The following RARB variants were observed in gnomAD, a reference collection of about 807,000 sequenced individuals.
RARB encodes the protein HBV-activated protein.
In RARB, 17 loss-of-function variants were observed where a neutral mutation model predicts 51.9. The ratio of observed to expected loss-of-function variants is 0.33; its 90% CI spans 0.22 to 0.49. RARB has a LOEUF of 0.49. Among genes scored for constraint, RARB ranks in the 20% least tolerant of loss-of-function variants. The pLI is 0.99. For synonymous variants in RARB, 215 were observed against 195.4 expected (o/e 1.10, Z -0.84); for missense variants, 369 against 550.8 (o/e 0.67, Z 3.30).
chr3:25,108,542 G>C (rs151029354), intron 3 of RARB, among the ~76,000 whole-genome samples: 1 of 152,190 alleles, frequency 6.6e-6, no homozygotes, highest in Non-Finnish European at 1.5e-5. Flanking sequence ...TACATCACTC[G>C]TAATCCTATT....
chr3:25,189,130 T>C (rs748574884), intron 5 of RARB, among the ~76,000 whole-genome samples: 79 of 152,268 alleles, frequency 5.2e-4, no homozygotes, highest in Admixed American at 1.3e-3. Context: ...ATAATAAATA[T>C]GATTCTTTAT....
intron 5 of RARB, among the ~76,000 whole-genome samples, chr3:25,583,359 A>G (rs986988829): frequency 6.6e-6 from 1 of 152,374 alleles, no homozygotes; most frequent in East Asian, 1.9e-4. Context: ...ACAGACAGAC[A>G]GACCCAGGCT....
intron 4 of RARB, among the ~76,000 whole-genome samples, chr3:25,150,988 A>G (rs60459884): frequency 0.017 from 2,569 of 152,302 alleles, 77 homozygotes; most frequent in African/African-American, 0.059. Flanking sequence ...AATCTATACA[A>G]TATTTTCCCA....
At chr3:25,503,083 C>G (rs1022277109) in intron 3 of RARB, among the ~76,000 whole-genome samples, 2 of 120,274 alleles carry the variant, frequency 1.7e-5, no homozygotes, top group African/African-American at 9.3e-5. Flanking sequence ...TGGACAATTC[C>G]ATCTGCAGAT....
chr3:25,172,332 C>G (rs1187734435), intron 4 of RARB, among the ~76,000 whole-genome samples: 1 of 152,132 alleles, frequency 6.6e-6, no homozygotes, highest in African/African-American at 2.4e-5. Context: ...GATTCAAATT[C>G]TGGCTTAGCG....
intron 2 of RARB, among the ~76,000 whole-genome samples, chr3:25,482,520 AATTTT>A (rs1696270635): frequency 8.2e-6 from 1 of 121,436 alleles, no homozygotes; most frequent in African/African-American, 4.0e-5. Context: ...CTAGCAGCCA[AATTTT>A]TTTTTTTTTT....
intron 3 of RARB, among the ~76,000 whole-genome samples, chr3:25,529,972 G>C (rs1698827079): frequency 6.6e-6 from 1 of 152,072 alleles, no homozygotes; most frequent in Non-Finnish European, 1.5e-5. Flanking sequence ...GGCCTGTGTT[G>C]CCCTTCATGT....
chr3:25,558,777 C>A (rs1375876378), intron 3 of RARB, among the ~76,000 whole-genome samples: 1 of 152,146 alleles, frequency 6.6e-6, no homozygotes, highest in Non-Finnish European at 1.5e-5. Context: ...CCCTACATTT[C>A]TTCTCTGTTT....
At chr3:25,561,793 C>T (rs747841281) in intron 3 of RARB, among the ~76,000 whole-genome samples, 11 of 152,116 alleles carry the variant, frequency 7.2e-5, no homozygotes, top group Non-Finnish European at 1.0e-4. Context: ...TATATTTTAT[C>T]ATGATAGAGA....
chr3:25,312,306 T>A (rs1704310192), intron 5 of RARB, among the ~76,000 whole-genome samples: 1 of 152,242 alleles, frequency 6.6e-6, no homozygotes, highest in South Asian at 2.1e-4. Context: ...TCATATTCAC[T>A]GTTTGATTTG....
intron 2 of RARB, among the ~76,000 whole-genome samples, chr3:24,883,273 T>C (rs1403150674): frequency 1.3e-5 from 2 of 152,102 alleles, no homozygotes; most frequent in African/African-American, 2.4e-5. Context: ...TAAATCCTCT[T>C]AGGTGCATGT....
intron 2 of RARB, among the ~76,000 whole-genome samples, chr3:24,905,401 C>T (rs1470070372): frequency 1.3e-5 from 2 of 152,202 alleles, no homozygotes; most frequent in African/African-American, 2.4e-5. Flanking sequence ...TTACTTGACA[C>T]ATCTGACCAC....
intron 2 of RARB, among the ~76,000 whole-genome samples, chr3:24,929,892 A>T (rs1242194547): frequency 6.6e-6 from 1 of 152,150 alleles, no homozygotes; most frequent in South Asian, 2.1e-4. Context: ...AATTCTTAAC[A>T]ATTACAAAGA....
At chr3:25,023,775 C>A (rs1383650080) in intron 2 of RARB, among the ~76,000 whole-genome samples, 1 of 152,068 alleles carries the variant, frequency 6.6e-6, no homozygotes. Flanking sequence ...TAGATTAGAG[C>A]GGCTATCTAA....
chr3:24,834,440 A>C (rs1702317047), intron 1 of RARB, among the ~76,000 whole-genome samples: 1 of 152,208 alleles, frequency 6.6e-6, no homozygotes. Context: ...GATTTTTTTG[A>C]CAAAAAATAA....
At chr3:25,417,554 C>G (rs892942956) in intron 5 of RARB, among the ~76,000 whole-genome samples, 1 of 152,186 alleles carries the variant, frequency 6.6e-6, no homozygotes, top group Non-Finnish European at 1.5e-5. Flanking sequence ...AAGCTCTCTT[C>G]TCTTGTCTGC....
chr3:24,961,881 A>G (rs1465128853), intron 2 of RARB, among the ~76,000 whole-genome samples: 1 of 151,244 alleles, frequency 6.6e-6, no homozygotes, highest in African/African-American at 2.4e-5. Flanking sequence ...GTACGTGAGA[A>G]AAATAGCCAT....
intron 2 of RARB, among the ~76,000 whole-genome samples, chr3:25,466,565 T>A (rs540628352): frequency 5.8e-4 from 89 of 152,342 alleles, no homozygotes; most frequent in African/African-American, 2.0e-3. Flanking sequence ...AATTATAATC[T>A]TAGTACTGTT....
chr3:24,965,209 G>A (rs777251953), intron 2 of RARB, among the ~76,000 whole-genome samples: 13 of 152,046 alleles, frequency 8.6e-5, no homozygotes, highest in Non-Finnish European at 1.9e-4. Flanking sequence ...TTCTTGTGTT[G>A]AGTGTATTTT....
Sources: allele counts gnomAD v4.1 joint callset (sites outside exome capture counted in the v4.1 genomes callset), GRCh38; gene constraint gnomAD v4.1.1; transcripts MANE v1.5; gene names NCBI Gene and HGNC (gene_info 2026-07-23, HGNC 2026-07-21).